The following ADAMTS7 variants were observed in gnomAD, a reference collection of about 807,000 sequenced individuals.
ADAMTS7 encodes ADAM metallopeptidase with thrombospondin type 1 motif 7.
A neutral mutation model predicts 172.6 loss-of-function variants in ADAMTS7; 89 were observed. That is an observed-to-expected ratio of 0.52 (90% CI 0.43 to 0.61). The LOEUF (loss-of-function observed/expected upper bound fraction) is 0.61. Ranked by LOEUF, ADAMTS7 falls within the 20% of genes least tolerant of loss-of-function variation. The probability of loss-of-function intolerance (pLI) is 0.00; values close to 1 mark genes in which losing one functional copy is unlikely to be tolerated. For missense variants in ADAMTS7, 1,973 were observed against 2,355.6 expected (o/e 0.84, Z 3.36); for synonymous variants, 885 against 978.4 (o/e 0.90, Z 1.78).
intron 20 of ADAMTS7, 57 bp from the exon 21 acceptor site, chr15:78,764,156 C>A: frequency 6.9e-7 from 1 of 1,450,664 alleles, no homozygotes; most frequent in Non-Finnish European, 9.1e-7. Flanking sequence ...ACAGGCGTGA[C>A]CCCGTGAGGT....
chr15:78,799,837 C>CA (rs2055694551), intron 2 of ADAMTS7, among the ~76,000 whole-genome samples: 1 of 145,626 alleles, frequency 6.9e-6, no homozygotes. Context: ...TTCTTTCTTT[C>CA]TTTTTTTTTT....
chr15:78,804,306 T>C (rs1204412366), intron 1 of ADAMTS7, among the ~76,000 whole-genome samples: 1 of 152,242 alleles, frequency 6.6e-6, no homozygotes, highest in Non-Finnish European at 1.5e-5. Context: ...AGAAATCTCA[T>C]GTGCCGGGGG....
intron 16 of ADAMTS7, among the ~76,000 whole-genome samples, chr15:78,770,399 G>A (rs2055227046): frequency 6.8e-6 from 1 of 147,360 alleles, no homozygotes; most frequent in African/African-American, 2.5e-5. Context: ...GAGGGGAAAA[G>A]GGGAGAACTA....
chr15:78,798,031 G>A lies in ADAMTS7; in HGVS notation c.539C>T (p.Pro180Leu). Residue 180 changes from proline (P) to leucine (L), a missense_variant, in exon 3 of 24, where the codon CCC becomes CTC. By Grantham distance (98) the Pro-to-Leu change is moderately conservative (BLOSUM62 -3). Around this residue, in one of 8 missense-constraint regions of ADAMTS7, gnomAD observed 306 missense variants for 288.0 expected, o/e 1.06. Coordinates refer to ENST00000388820, the MANE Select transcript of ADAMTS7 (RefSeq NM_014272.5). ...SAPARPGHAQPHVVYKRQAPE... is the reference protein window; with the variant it reads ...SAPARPGHAQLHVVYKRQAPE... ...GGCCTGACGCTTGTACACCACATGG[G>A]GCTGGGCGTGGCCAGGCCGGGCCGG... is the stretch of plus-strand genomic sequence containing the variant. The A allele has an allele frequency of 1.3e-6, 2 of 1,571,316 alleles. No homozygotes were observed. The highest frequency in any genetic ancestry group is 1.7e-6 in the Non-Finnish European group (2 of 1,165,332).
chr15:78,765,701 G>A lies in ADAMTS7; in HGVS notation c.4210C>T (p.Pro1404Ser). The A allele has an allele frequency of 6.2e-7, 1 of 1,610,632 alleles. No individual in the cohort carries two copies. Among genetic ancestry groups the A allele is most frequent in the Non-Finnish European group, 8.5e-7 (1 of 1,179,748 alleles). Residue 1404 changes from proline (P) to serine (S), a missense_variant, in exon 19 of 24, where the codon CCC becomes TCC. Transcript: ENST00000388820. ...TTCCTGACAACCAACGGGTCCGCGG[G>A]GGGCCCCGCTTCAGCCAGGCTGGGA... ...LAPSLAEAGP[P>S]ADPLVVRNAG...
Position 78,811,340 on chromosome 15 carries a change from A to C in ADAMTS7, c.-120T>G. On this transcript the variant is annotated 5_prime_UTR_variant, in exon 1 of 24. Coordinates refer to ENST00000388820, the MANE Select transcript of ADAMTS7 (RefSeq NM_014272.5). ...CCCGGCCGGCGTGCAGCTCCCGGCG[A>C]CCCGGCCCCGACTCCGTTCGGCTGC... 2 of 1,158,952 alleles carry C rather than the reference A, an allele frequency of 1.7e-6. No homozygotes were observed. Among genetic ancestry groups the C allele is most frequent in the East Asian group, 3.4e-5 (1 of 29,440 alleles). The allele number at this position is 1,158,952 out of a possible 1,614,324, so 71.8% of individuals were successfully genotyped here.
chr15:78,781,981 AGAGCT>A (rs2055434169), intron 8 of ADAMTS7, among the ~76,000 whole-genome samples: 2 of 152,158 alleles, frequency 1.3e-5, no homozygotes, highest in Non-Finnish European at 1.5e-5. Flanking sequence ...TTGAGGCTTA[AGAGCT>A]AATATAACTT....
At chr15:78,764,154 G>A (rs2055099698) in intron 20 of ADAMTS7, 55 bp from the exon 21 acceptor site, 2 of 1,458,702 alleles carry the variant, frequency 1.4e-6, no homozygotes, top group Non-Finnish European at 9.1e-7. Context: ...CCACAGGCGT[G>A]ACCCCGTGAG....
At chr15:78,790,817 C>G (rs778619374) in intron 5 of ADAMTS7, 23 bp from the exon 6 acceptor site, 2 of 1,611,762 alleles carry the variant, frequency 1.2e-6, no homozygotes, top group Non-Finnish European at 1.7e-6. Context: ...AGAGTGACTG[C>G]TCATGCCTCC....
intron 7 of ADAMTS7, 61 bp downstream of exon 7, chr15:78,789,628 G>A: frequency 6.3e-7 from 1 of 1,594,194 alleles, no homozygotes; most frequent in Non-Finnish European, 8.6e-7. Context: ...GATACCCGGT[G>A]CCCCCAGGCT....
At chr15:78,779,913 G>A (rs1216137462) in intron 8 of ADAMTS7, among the ~76,000 whole-genome samples, 1 of 148,940 alleles carries the variant, frequency 6.7e-6, no homozygotes, top group South Asian at 2.2e-4. Flanking sequence ...CCCACCCTGG[G>A]TGTGTGGGAG....
chr15:78,765,810 C>A lies in ADAMTS7; in HGVS notation c.4101G>T (p.Val1367=), dbSNP rs764391945. Residue 1367 remains valine, a synonymous_variant, in exon 19 of 24, where the codon GTG becomes GTT. Coordinates refer to ENST00000388820, the MANE Select transcript of ADAMTS7 (RefSeq NM_014272.5). ...TGGACAGCAGCCTAGAGCTCAGGGG[C>A]ACCTCAGGGCTGAGGGACTCAGGCT... ...KGQPESLSPE[V]PLSSRLLSTP... is the part of the protein sequence containing the mutation. 2 of 1,593,416 alleles carry A rather than the reference C, an allele frequency of 1.3e-6. No individual in the cohort carries two copies. Among genetic ancestry groups the A allele is most frequent in the South Asian group, 1.1e-5 (1 of 88,670 alleles).
chr15:78,798,342 T>A (rs1357707632), intron 2 of ADAMTS7, among the ~76,000 whole-genome samples: 1 of 152,136 alleles, frequency 6.6e-6, no homozygotes, highest in African/African-American at 2.4e-5. Context: ...AAAGCGGAGC[T>A]CAGAAGCCTC....
At chr15:78,769,426 G>T (rs2055210924) in intron 16 of ADAMTS7, among the ~76,000 whole-genome samples, 1 of 152,186 alleles carries the variant, frequency 6.6e-6, no homozygotes, top group South Asian at 2.1e-4. Flanking sequence ...GACAGCAATG[G>T]GACCTGCTGA....
At chr15:78,774,878 T>C in intron 11 of ADAMTS7, 85 bp from the exon 12 acceptor site, 1 of 1,469,298 alleles carries the variant, frequency 6.8e-7, no homozygotes. Context: ...AACTTCCTCC[T>C]GCATCCACAC....
chr15:78,788,233 A>G lies in ADAMTS7; in HGVS notation c.1320T>C (p.Leu440=), dbSNP rs1386904186. Residue 440 remains leucine (L), a splice_region_variant and synonymous_variant, in exon 8 of 24, where the codon CTT becomes CTC. Transcript: ENST00000388820. The part of the protein sequence containing the change: ...RCSRQYITRF[L]DRGWGLCLDD... ...GGGCCCAGGGCTGGGGGACTTACTC[A>G]AGGAACCTGGTGATATACTGGCGGC... 6.2e-7 allele frequency: 1 copy of G among 1,613,474 alleles called. No individual in the cohort carries two copies. The highest frequency in any genetic ancestry group is 8.5e-7 in the Non-Finnish European group (1 of 1,179,928).
chr15:78,774,017 G>A, intron 13 of ADAMTS7, 150 bp downstream of exon 13: 1 of 1,264,118 alleles, frequency 7.9e-7, no homozygotes, highest in Non-Finnish European at 1.1e-6. Context: ...GGGGAGGGTG[G>A]CCCGAGGAGG....
intron 16 of ADAMTS7, among the ~76,000 whole-genome samples, chr15:78,768,754 C>A (rs563524566): frequency 1.3e-5 from 2 of 152,242 alleles, no homozygotes; most frequent in Non-Finnish European, 2.9e-5. Flanking sequence ...TGCCACCCTC[C>A]CCTCAGGGAA....
chr15:78,794,707 CT>C (rs2055621539), intron 4 of ADAMTS7, among the ~76,000 whole-genome samples: 1 of 152,088 alleles, frequency 6.6e-6, no homozygotes, highest in Admixed American at 6.6e-5. Flanking sequence ...TTGGGCAGGT[CT>C]TTTTTTGTTT....
Sources: gnomAD v4.1 joint callset for allele counts (sites outside exome capture counted in the v4.1 genomes callset) on GRCh38, gnomAD v4.1.1 for gene constraint, gnomAD v4.1.1 regional missense constraint, MANE v1.5 for transcripts, NCBI Gene and HGNC (gene_info 2026-07-23, HGNC 2026-07-21) for gene names.